The following CLIC4 variants were observed in gnomAD, a reference collection of about 807,000 sequenced individuals.
The protein encoded by CLIC4 is chloride intracellular channel protein 4.
A neutral mutation model predicts 24.6 loss-of-function variants in CLIC4; 13 were observed. That is an observed-to-expected ratio of 0.53 (90% confidence interval 0.34 to 0.84). The LOEUF is 0.84. CLIC4 is among the 40% of genes least tolerant of loss of function. The pLI, the probability that CLIC4 is intolerant of heterozygous loss-of-function variation, is 0.01. For synonymous variants in CLIC4, 104 were observed against 111.3 expected, an observed-to-expected ratio of 0.93 and a Z score of 0.41; for missense variants, 227 against 301.7, an observed-to-expected ratio of 0.75 and a Z score of 1.83.
At chr1:24,807,172 A>G (rs1196403894) in intron 2 of CLIC4, among the ~76,000 whole-genome samples, 1 of 151,986 alleles carries the variant, frequency 6.6e-6, no homozygotes, top group African/African-American at 2.4e-5. Flanking sequence ...AAAATTAAGA[A>G]TCTTTCTGTT....
chr1:24,828,739 G>GTA (rs918127943), intron 4 of CLIC4, among the ~76,000 whole-genome samples: 18 of 152,198 alleles, frequency 1.2e-4, no homozygotes, highest in Non-Finnish European at 2.5e-4. Flanking sequence ...ACTCATTTAA[G>GTA]TATAACTTTG....
Position 24,818,512 on chromosome 1 carries a change from C to A in CLIC4, c.308+4293C>A, listed in dbSNP as rs549562558. On this transcript the variant is annotated intron_variant, in intron 3 of 5. Coordinates refer to ENST00000374379, the MANE Select transcript of CLIC4 (RefSeq NM_013943.3). The stretch of plus-strand genomic sequence containing the variant: ...ATGTTGGCCAGGCTTGTCTCGAAAT[C>A]CTGACCTCAAGGTATCCGCCCACCT... 2.6e-5 allele frequency among the ~76,000 whole-genome samples: 4 copies of A among 152,186 alleles called. No individual in the cohort carries two copies. The South Asian group carries it at 8.3e-4, about 32-fold the overall frequency.
intron 1 of CLIC4, among the ~76,000 whole-genome samples, chr1:24,784,292 A>G (rs932495307): frequency 7.2e-5 from 11 of 152,180 alleles, no homozygotes; most frequent in East Asian, 1.9e-4. Context: ...TCTCCCAACT[A>G]TCCAATGAGG....
chr1:24,767,596 CACTT>C (rs1386255017), intron 1 of CLIC4, among the ~76,000 whole-genome samples: 3 of 152,186 alleles, frequency 2.0e-5, no homozygotes, highest in South Asian at 4.1e-4. Flanking sequence ...ATCCTGTTGA[CACTT>C]ACTAGGTAAC....
chr1:24,755,071 CAAAAA>C (rs35295371), intron 1 of CLIC4, among the ~76,000 whole-genome samples: 1 of 112,806 alleles, frequency 8.9e-6, no homozygotes, highest in Non-Finnish European at 1.8e-5. Context: ...GACTCCGTCT[CAAAAA>C]AAAAAAAAAA....
At chr1:24,785,607 A>C (rs1019207111) in intron 1 of CLIC4, among the ~76,000 whole-genome samples, 1 of 152,200 alleles carries the variant, frequency 6.6e-6, no homozygotes, top group Non-Finnish European at 1.5e-5. Flanking sequence ...TAGTCCCAGC[A>C]CTTTGGGAGG....
intron 1 of CLIC4, among the ~76,000 whole-genome samples, chr1:24,765,763 C>T (rs1340957374): frequency 6.6e-6 from 1 of 151,568 alleles, no homozygotes; most frequent in Non-Finnish European, 1.5e-5. Context: ...TGATTGTTTA[C>T]TTGAAGTATC....
chr1:24,788,906 A>T (rs528845009), intron 1 of CLIC4, among the ~76,000 whole-genome samples: 7 of 152,196 alleles, frequency 4.6e-5, no homozygotes, highest in Non-Finnish European at 1.0e-4. Context: ...ACTTTTAGAT[A>T]ATTACTGCTC....
At chr1:24,772,202 A>G (rs1408308164) in intron 1 of CLIC4, among the ~76,000 whole-genome samples, 2 of 152,216 alleles carry the variant, frequency 1.3e-5, no homozygotes, top group African/African-American at 4.8e-5. Flanking sequence ...TTAAGGAAAG[A>G]TTTTGTTTGT....
chr1:24,803,749 A>G (rs1004588385), intron 2 of CLIC4, among the ~76,000 whole-genome samples: 4 of 152,248 alleles, frequency 2.6e-5, no homozygotes, highest in African/African-American at 9.6e-5. Context: ...GCATGTCATC[A>G]GTTGGGAAAC....
At chr1:24,799,257 G>A (rs1242933741) in intron 2 of CLIC4, among the ~76,000 whole-genome samples, 1 of 150,516 alleles carries the variant, frequency 6.6e-6, no homozygotes, top group African/African-American at 2.5e-5. Flanking sequence ...GTCTCTGCCC[G>A]GCCGCCCATC....
chr1:24,758,934 T>C (rs1638886415), intron 1 of CLIC4, among the ~76,000 whole-genome samples: 1 of 152,192 alleles, frequency 6.6e-6, no homozygotes, highest in Non-Finnish European at 1.5e-5. Context: ...TAACATGTAT[T>C]GAATTAAGTG....
At chr1:24,835,650 G>C (rs1639879490) in intron 4 of CLIC4, among the ~76,000 whole-genome samples, 1 of 152,152 alleles carries the variant, frequency 6.6e-6, no homozygotes, top group African/African-American at 2.4e-5. Flanking sequence ...GGTTAATGGG[G>C]TTCTAAGGTC....
At chr1:24,776,498 A>T (rs1639142648) in intron 1 of CLIC4, among the ~76,000 whole-genome samples, 1 of 152,210 alleles carries the variant, frequency 6.6e-6, no homozygotes, top group Non-Finnish European at 1.5e-5. Flanking sequence ...TTACTAGAAG[A>T]CTCAAACTTA....
intron 3 of CLIC4, among the ~76,000 whole-genome samples, chr1:24,819,977 G>A (rs1334468454): frequency 4.9e-5 from 7 of 142,316 alleles, no homozygotes; most frequent in Admixed American, 2.2e-4. Flanking sequence ...TCCTGACCTT[G>A]TGACCTGCCC....
intron 1 of CLIC4, among the ~76,000 whole-genome samples, chr1:24,768,163 A>T (rs1184345379): frequency 1.3e-5 from 2 of 152,032 alleles, no homozygotes; most frequent in Admixed American, 1.3e-4. Flanking sequence ...TTTTTAAGAT[A>T]TGGGGATCTT....
intron 1 of CLIC4, among the ~76,000 whole-genome samples, chr1:24,787,111 A>G (rs1639277428): frequency 1.3e-5 from 2 of 152,144 alleles, no homozygotes; most frequent in Non-Finnish European, 2.9e-5. Flanking sequence ...TTTTGTGGTG[A>G]TGGGATCTCA....
At chr1:24,765,276 A>G (rs1638979349) in intron 1 of CLIC4, among the ~76,000 whole-genome samples, 1 of 152,324 alleles carries the variant, frequency 6.6e-6, no homozygotes, top group Admixed American at 6.5e-5. Flanking sequence ...GACTACATCT[A>G]TGAAATATTA....
In CLIC4 at chr1:24,841,058, TAGGATC is replaced by T; in HGVS notation, c.*123_*128del. ...GCACGAACATGCAGTTATTGAAGAT[TAGGATC>T]AAGGATAGACAAGGTATAGTAGTTA... On this transcript the variant is annotated 3_prime_UTR_variant, in exon 6 of 6. Transcript: ENST00000374379. The T allele has an allele frequency of 3.8e-6, 3 of 782,386 alleles. No individual in the cohort carries two copies. Among genetic ancestry groups the T allele is most frequent in the Non-Finnish European group, 6.0e-6 (3 of 497,670 alleles). 48.5% of individuals were successfully genotyped at this position (782,386 alleles called of 1,614,324 possible).
Sources: allele counts gnomAD v4.1 joint callset (sites outside exome capture counted in the v4.1 genomes callset), GRCh38; gene constraint gnomAD v4.1.1; transcripts MANE v1.5; gene names NCBI Gene and HGNC (gene_info 2026-07-23, HGNC 2026-07-21).